The following POLR2C variants were observed in gnomAD, a reference collection of about 807,000 sequenced individuals.
POLR2C encodes the protein DNA-directed RNA polymerase II subunit RPB3.
In POLR2C, 36 loss-of-function variants were observed where a neutral mutation model predicts 41.7. The ratio of observed to expected loss-of-function variants is 0.86; its 90% CI spans 0.66 to 1.14. POLR2C has a LOEUF of 1.14. Ranked by LOEUF, POLR2C falls within the 50% of genes most tolerant of loss-of-function variation. The pLI is 0.00. For synonymous variants in POLR2C, 133 were observed against 137.8 expected (o/e 0.96, Z 0.25); for missense variants, 260 against 350.4 (o/e 0.74, Z 2.06).
In POLR2C at chr16:57,465,938, T is replaced by G. The variant is rs1446034966; in HGVS notation, c.137-15T>G. The G allele has an allele frequency of 6.5e-7, 1 of 1,546,762 alleles. No homozygotes were observed. The highest frequency in any genetic ancestry group is 8.9e-7 in the Non-Finnish European group (1 of 1,119,276). ...TTGATGGCTAAACTCCATGTCTGCT[T>G]CTTTCATTTTTTAGCCATTGACTGG... On this transcript the variant is annotated splice_polypyrimidine_tract_variant and intron_variant, in intron 2 of 8. Coordinates refer to ENST00000219252, the MANE Select transcript of POLR2C (RefSeq NM_032940.3).
chr16:57,463,739 T>A, intron 2 of POLR2C: 2 of 414,418 alleles, frequency 4.8e-6, no homozygotes, highest in Non-Finnish European at 9.6e-6. Flanking sequence ...GGCCAGGAGT[T>A]TGAGACCAGC....
intron 4 of POLR2C, among the ~76,000 whole-genome samples, chr16:57,466,675 C>T (rs531594576): frequency 5.9e-5 from 9 of 152,316 alleles, no homozygotes; most frequent in South Asian, 2.1e-4. Flanking sequence ...AACATGGCCA[C>T]ACTCTTAGTG....
chr16:57,462,995 G>T (rs2030613121), intron 1 of POLR2C, 34 bp from the exon 2 acceptor site: 2 of 1,598,308 alleles, frequency 1.3e-6, no homozygotes, highest in Non-Finnish European at 1.7e-6. Flanking sequence ...CGAGGCTGCA[G>T]CGCCTTCACG....
At chr16:57,466,666 A>AC (rs2030716043) in intron 4 of POLR2C, among the ~76,000 whole-genome samples, 1 of 152,076 alleles carries the variant, frequency 6.6e-6, no homozygotes, top group African/African-American at 2.4e-5. Context: ...TGCTGCTTAA[A>AC]CATGGCCACA....
At chr16:57,463,603 GT>G in intron 2 of POLR2C, 1 of 451,714 alleles carries the variant, frequency 2.2e-6, no homozygotes, top group Non-Finnish European at 4.5e-6. Flanking sequence ...TGCGTACCCA[GT>G]TTTAGCTCCC....
At chr16:57,470,636 G>T (rs1178938022) in intron 8 of POLR2C, among the ~76,000 whole-genome samples, 1 of 152,178 alleles carries the variant, frequency 6.6e-6, no homozygotes, top group Non-Finnish European at 1.5e-5. Context: ...TAGGGGCAGA[G>T]ATTTGGACCC....
At chr16:57,463,270 A>T in intron 2 of POLR2C, 192 bp downstream of exon 2, 1 of 637,720 alleles carries the variant, frequency 1.6e-6, no homozygotes, top group Non-Finnish European at 2.8e-6. Context: ...CCCACGGGCC[A>T]CTTAGGTCCA....
At chr16:57,468,676 C>T (rs1296373518) in intron 4 of POLR2C, among the ~76,000 whole-genome samples, 5 of 152,240 alleles carry the variant, frequency 3.3e-5, no homozygotes, top group African/African-American at 9.6e-5. Flanking sequence ...ATGAAATTTT[C>T]CATAATAGAA....
intron 1 of POLR2C, 50 bp from the exon 2 acceptor site, chr16:57,462,979 G>T: frequency 6.4e-7 from 1 of 1,555,588 alleles, no homozygotes; most frequent in East Asian, 2.2e-5. Context: ...CGCGGGCCCA[G>T]CCTGTCGAGG....
chr16:57,464,672 G>GC (rs1465075554), intron 2 of POLR2C, among the ~76,000 whole-genome samples: 6 of 47,880 alleles, frequency 1.3e-4, no homozygotes, highest in Admixed American at 4.6e-4. Flanking sequence ...CCACCCCCCC[G>GC]CCCCCCAGTC....
chr16:57,469,368 G>T lies in POLR2C; in HGVS notation c.387+75G>T, dbSNP rs745778219. 1.3e-6 allele frequency: 2 copies of T among 1,509,822 alleles called. No individual in the cohort carries two copies. The highest frequency in any genetic ancestry group is 2.3e-5 in the South Asian group (2 of 88,622). The allele number at this position is 1,509,822 out of a possible 1,614,324, so 93.5% of individuals were successfully genotyped here. A position where few individuals can be genotyped will look rare whatever the true frequency, so the allele number is the denominator to read the frequency against. ...GGCTGGCTCCAAGTGGGCCAGACTG[G>T]GGTTGATCCTTAGAAAATGTTGGCT... On this transcript the variant is annotated intron_variant, in intron 5 of 8. Transcript: ENST00000219252. This position sits in a 1 kb window ranked among gnomAD's most constrained non-coding sequence, Gnocchi z 5.8.
chr16:57,463,667 C>A (rs73561591), intron 2 of POLR2C: 26,498 of 453,102 alleles, frequency 0.058, 936 homozygotes, highest in African/African-American at 0.099. Context: ...ATAATGGCTT[C>A]CAGGCCGCGC....
At position 57,469,777 on chromosome 16, in the gene POLR2C, C is replaced by T. The variant is rs1354661358; in HGVS notation, c.439+16C>T. 1 of 1,610,398 alleles carries T rather than the reference C, an allele frequency of 6.2e-7. No individual in the cohort carries two copies. Among genetic ancestry groups the T allele is most frequent in the Non-Finnish European group, 8.5e-7 (1 of 1,178,190 alleles). ...GAGCAGGATGGTAAGTCTTCCTGAC[C>T]TGTCACCGTGTGGGCCAGCGGGAAG... On this transcript the variant is annotated intron_variant, in intron 6 of 8. Coordinates refer to ENST00000219252, the MANE Select transcript of POLR2C (RefSeq NM_032940.3). The surrounding 1 kb of genome is among the most constrained non-coding windows in gnomAD (Gnocchi z 5.8).
chr16:57,469,284 G>C lies in POLR2C; in HGVS notation c.378G>C (p.Arg126=). ...GAGACCTCATCTCCAACAGCCCCCG[G>C]GTCATTCCGGTCAGTGCGGGAGAGC... ...TSRDLISNSP[R]VIPVTSRNRD... Residue 126 remains arginine (R), a synonymous_variant, in exon 5 of 9, where the codon CGG becomes CGC. Transcript: ENST00000219252. This position sits in a 1 kb window ranked among gnomAD's most constrained non-coding sequence, Gnocchi z 5.8. 6.2e-7 allele frequency: 1 copy of C among 1,614,174 alleles called. No homozygotes were observed. The highest frequency in any genetic ancestry group is 8.5e-7 in the Non-Finnish European group (1 of 1,180,018).
intron 2 of POLR2C, chr16:57,463,734 G>A: frequency 2.4e-6 from 1 of 420,892 alleles, no homozygotes; most frequent in Non-Finnish European, 4.7e-6. Context: ...CCTGAGGCCA[G>A]GAGTTTGAGA....
rs1333695147 is a variant in POLR2C at position 57,465,969 on chromosome 16, G to A, written c.153G>A (p.Gln51=). The A allele has an allele frequency of 1.2e-6, 2 of 1,604,560 alleles. No homozygotes were observed. The highest frequency in any genetic ancestry group is 1.1e-5 in the South Asian group (1 of 90,858). The change falls in exon 3 of 9, where the codon CAG becomes CAA. Residue 51 remains glutamine (Q), a synonymous_variant. Coordinates refer to ENST00000219252, the MANE Select transcript of POLR2C (RefSeq NM_032940.3). The part of the protein sequence containing the change: ...EVPIIAIDWV[Q]IDANSSVLHD... ...ATTTTTTAGCCATTGACTGGGTTCA[G>A]ATTGATGCCAATTCCTCAGTTCTTC...
At chr16:57,464,565 C>T (rs1001985322) in intron 2 of POLR2C, among the ~76,000 whole-genome samples, 2 of 152,166 alleles carry the variant, frequency 1.3e-5, no homozygotes, top group Non-Finnish European at 2.9e-5. Context: ...AAATATAAGT[C>T]ATAGCTGTGG....
In POLR2C at chr16:57,471,284, G is replaced by A. The variant is rs534785638; in HGVS notation, c.*165G>A. 1 of 614,926 alleles carries A rather than the reference G, an allele frequency of 1.6e-6. No individual in the cohort carries two copies. The highest frequency in any genetic ancestry group is 1.8e-5 in the African/African-American group (1 of 54,302). The allele number at this position is 614,926 out of a possible 1,614,324, so 38.1% of individuals were successfully genotyped here. A position where few individuals can be genotyped will look rare whatever the true frequency, so the allele number is the denominator to read the frequency against. On this transcript the variant is annotated 3_prime_UTR_variant, in exon 9 of 9. Transcript: ENST00000219252. The stretch of plus-strand genomic sequence containing the variant: ...AAGTGGGTCATAGATAGATTACCAG[G>A]GATGCAGTGGTGTTTAGGCAGGATA...
At chr16:57,468,061 G>A (rs1354558022) in intron 4 of POLR2C, among the ~76,000 whole-genome samples, 6 of 152,072 alleles carry the variant, frequency 3.9e-5, no homozygotes, top group African/African-American at 1.4e-4. Context: ...CCAGGCTAGA[G>A]TGCAGTGGCA....
Sources: allele counts gnomAD v4.1 joint callset (sites outside exome capture counted in the v4.1 genomes callset), GRCh38; gene constraint gnomAD v4.1.1; non-coding constraint Gnocchi (gnomAD v3.1); transcripts MANE v1.5; gene names NCBI Gene and HGNC (gene_info 2026-07-23, HGNC 2026-07-21).